Variants in COL14A1 observed in about 807,000 individuals in gnomAD.
COL14A1 encodes collagen alpha-1(XIV) chain.
In COL14A1, 136 loss-of-function variants were observed where a neutral mutation model predicts 230.3. The ratio of observed to expected loss-of-function variants is 0.59; its 90% confidence interval spans 0.51 to 0.68. COL14A1 has a LOEUF of 0.68. Among genes scored for constraint, COL14A1 ranks in the 30% least tolerant of loss-of-function variants. COL14A1 has a pLI of 0.00. For missense variants in COL14A1, 1,976 were observed against 2,215.8 expected, an observed-to-expected ratio of 0.89 and a Z score of 2.17; for synonymous variants, 792 against 784.1, an observed-to-expected ratio of 1.01 and a Z score of -0.17.
chr8:120,212,472 G>A lies in COL14A1; in HGVS notation c.1492G>A (p.Asp498Asn), dbSNP rs954214418. Residue 498 changes from aspartate (D) to asparagine (N), a missense_variant, in exon 13 of 48, where the codon GAT (aspartate) becomes AAT (asparagine). By Grantham distance (23) the Asp-to-Asn change is conservative. Around this residue, in one of 3 missense-constraint regions of COL14A1, gnomAD observed 1,791 missense variants for 2,019.5 expected, o/e 0.89. Coordinates refer to ENST00000297848, the MANE Select transcript of COL14A1 (RefSeq NM_021110.4). ...GATGAAAATTGGAGAGACCCACACAGATATTGAATTGAGTGGGTTGTTGCC... is the reference window on the plus strand; with the variant it reads ...GATGAAAATTGGAGAGACCCACACAAATATTGAATTGAGTGGGTTGTTGCC... ...KEMKIGETHTDIELSGLLPNT... is the reference protein window; with the variant it reads ...KEMKIGETHTNIELSGLLPNT... The A allele has an allele frequency of 1.9e-6, 3 of 1,613,402 alleles. No individual in the cohort carries two copies. The highest frequency in any genetic ancestry group is 2.5e-6 in the Non-Finnish European group (3 of 1,179,482).
intron 5 of COL14A1, among the ~76,000 whole-genome samples, chr8:120,184,259 T>TTATTTATC (rs1816574692): frequency 6.7e-6 from 1 of 150,334 alleles, no homozygotes; most frequent in Admixed American, 6.7e-5. Flanking sequence ...ATTTATTTAT[T>TTATTTATC]TATTTATTTA....
intron 40 of COL14A1, among the ~76,000 whole-genome samples, chr8:120,331,362 A>G (rs141075252): frequency 0.027 from 4,137 of 152,246 alleles, 78 homozygotes; most frequent in Non-Finnish European, 0.037. Flanking sequence ...GAATATGATA[A>G]AATTCAGATT....
Position 120,285,958 on chromosome 8 carries a change from A to T in COL14A1, c.4065A>T (p.Gly1355=), listed in dbSNP as rs75534256. ...EGPEIRKIFY[G]SFHKLHIVVS... ...CTGAAATTAGGAAAATTTTTTATGG[A>T]AGCTTTCACAAGGTTAGTAATGCTT... The change falls in exon 33 of 48, where the codon GGA becomes GGT. Residue 1355 remains glycine (G), a synonymous_variant. Transcript: ENST00000297848. 6.4e-7 allele frequency: 1 copy of T among 1,557,742 alleles called. No individual in the cohort carries two copies. Among genetic ancestry groups the T allele is most frequent in the African/African-American group, 1.4e-5 (1 of 73,844 alleles).
intron 5 of COL14A1, among the ~76,000 whole-genome samples, chr8:120,179,859 A>G (rs1816405884): frequency 1.3e-5 from 2 of 152,126 alleles, no homozygotes; most frequent in East Asian, 1.9e-4. Context: ...GATATATAGA[A>G]CAATGGAACA....
At chr8:120,257,730 C>A (rs1178724270) in intron 23 of COL14A1, among the ~76,000 whole-genome samples, 1 of 152,114 alleles carries the variant, frequency 6.6e-6, no homozygotes, top group Non-Finnish European at 1.5e-5. Flanking sequence ...CCACTCCAGG[C>A]AAAGGAGATA....
rs112842352 is a variant in COL14A1 at position 120,309,201 on chromosome 8, C to G, written c.4402-808C>G. Among the ~76,000 whole-genome samples, 588 of 152,304 alleles carry G rather than the reference C, an allele frequency of 3.9e-3. 3 individuals are homozygous for G. Among genetic ancestry groups the G allele is most frequent in the African/African-American group, 0.013 (536 of 41,552 alleles). On this transcript the variant is annotated intron_variant, in intron 36 of 47. Coordinates refer to ENST00000297848, the MANE Select transcript of COL14A1 (RefSeq NM_021110.4). ...CCACCCGCCTTGGCCTCCCAAAGTG[C>G]TGGGATTACAGGCATGAGCCACTGT...
At chr8:120,233,851 G>GA (rs1818355275) in intron 19 of COL14A1, among the ~76,000 whole-genome samples, 1 of 152,032 alleles carries the variant, frequency 6.6e-6, no homozygotes, top group Non-Finnish European at 1.5e-5. Flanking sequence ...CTAATTCTGC[G>GA]AAAAAAGTCA....
intron 23 of COL14A1, among the ~76,000 whole-genome samples, chr8:120,256,378 AG>A (rs1448174064): frequency 6.6e-6 from 1 of 152,222 alleles, no homozygotes; most frequent in Non-Finnish European, 1.5e-5. Flanking sequence ...TGGAAAGCAT[AG>A]TTTAGGAGAG....
At chr8:120,167,877 T>C (rs761875845) in intron 4 of COL14A1, among the ~76,000 whole-genome samples, 1 of 152,208 alleles carries the variant, frequency 6.6e-6, no homozygotes, top group Non-Finnish European at 1.5e-5. Context: ...TAGGGATAAT[T>C]ATGCTGATTT....
At chr8:120,231,408 G>C in intron 18 of COL14A1, 59 bp from the exon 19 acceptor site, 1 of 1,557,912 alleles carries the variant, frequency 6.4e-7, no homozygotes, top group Non-Finnish European at 8.7e-7. Flanking sequence ...ATTCTCTGTG[G>C]CTCATTTTGG....
rs2130674105 is a variant in COL14A1, at chr8:120,189,324, A to C, written c.437-7467A>C. ...TGCTAACCTGGATTTAGGACACAAG[A>C]AAAAATATTGTTTTTACAGTTCTCA... On this transcript the variant is annotated intron_variant, in intron 5 of 47. Transcript: ENST00000297848. Among the ~76,000 whole-genome samples the C allele has an allele frequency of 1.3e-5, 2 of 152,296 alleles. 1 individual carries two copies. Among genetic ancestry groups the C allele is most frequent in the South Asian group, 4.2e-4 (2 of 4,818 alleles).
At chr8:120,244,133 A>G in intron 20 of COL14A1, 125 bp downstream of exon 20, 1 of 1,125,318 alleles carries the variant, frequency 8.9e-7, no homozygotes, top group African/African-American at 1.6e-5. Context: ...GGGAACAGGA[A>G]ATCTGTCTGC....
At chr8:120,325,665 G>A (rs1053039049) in intron 40 of COL14A1, among the ~76,000 whole-genome samples, 4 of 152,040 alleles carry the variant, frequency 2.6e-5, no homozygotes, top group African/African-American at 9.7e-5. Flanking sequence ...GCTAGTTTTT[G>A]TATTTTTAGT....
chr8:120,225,838 A>G (rs575562083), intron 15 of COL14A1, among the ~76,000 whole-genome samples: 1 of 152,240 alleles, frequency 6.6e-6, no homozygotes, highest in African/African-American at 2.4e-5. Context: ...TGTAGTCTCT[A>G]CTGAGGAGAT....
Position 120,371,255 on chromosome 8 carries a change from C to T in COL14A1, c.*24C>T. On this transcript the variant is annotated 3_prime_UTR_variant, in exon 48 of 48. Coordinates refer to ENST00000297848, the MANE Select transcript of COL14A1 (RefSeq NM_021110.4). Reference sequence around the variant, plus strand: ...GATAGCCTCAGGAGAAATTTGAAGACCAACTGCAAGAACTCTTAAGGAATC... The same window carrying T: ...GATAGCCTCAGGAGAAATTTGAAGATCAACTGCAAGAACTCTTAAGGAATC... 6.4e-7 allele frequency: 1 copy of T among 1,568,676 alleles called. No individual in the cohort carries two copies. The highest frequency in any genetic ancestry group is 8.7e-7 in the Non-Finnish European group (1 of 1,145,174).
chr8:120,325,142 A>G (rs547430415), intron 40 of COL14A1, among the ~76,000 whole-genome samples: 1 of 152,372 alleles, frequency 6.6e-6, no homozygotes, highest in South Asian at 2.1e-4. Flanking sequence ...TGGGTCAGGT[A>G]TACTTTTGCT....
chr8:120,327,939 A>G (rs1285769442), intron 40 of COL14A1, among the ~76,000 whole-genome samples: 1 of 151,486 alleles, frequency 6.6e-6, no homozygotes, highest in Non-Finnish European at 1.5e-5. Flanking sequence ...TAAGTTTTGT[A>G]TTTTAGTAGA....
rs773163487 is a variant in COL14A1, at chr8:120,286,008, T to C, written c.4077+38T>C. 5.9e-6 allele frequency: 7 copies of C among 1,179,702 alleles called. No homozygotes were observed. The African/African-American group carries it at 1.1e-4, about 18-fold the overall frequency. 73.1% of individuals were successfully genotyped at this position (1,179,702 alleles called of 1,614,324 possible). On this transcript the variant is annotated intron_variant, in intron 33 of 47. Coordinates refer to ENST00000297848, the MANE Select transcript of COL14A1 (RefSeq NM_021110.4). The stretch of plus-strand genomic sequence containing the variant: ...TTGTATGCATATATTCTTTATTCTA[T>C]TTGCTATTGAACAAAGCCATTTAAA...
At chr8:120,308,074 T>G (rs1820907501) in intron 36 of COL14A1, among the ~76,000 whole-genome samples, 1 of 152,236 alleles carries the variant, frequency 6.6e-6, no homozygotes, top group African/African-American at 2.4e-5. Flanking sequence ...CTCTGCCTCC[T>G]GGGTTTAAGC....
Sources: gnomAD v4.1 joint callset for allele counts (sites outside exome capture counted in the v4.1 genomes callset) on GRCh38, gnomAD v4.1.1 for gene constraint, gnomAD v4.1.1 regional missense constraint, MANE v1.5 for transcripts, NCBI Gene and HGNC (gene_info 2026-07-23, HGNC 2026-07-21) for gene names.